The following SPAG16 variants were observed in gnomAD, a reference collection of about 807,000 sequenced individuals.
The protein encoded by SPAG16 is sperm-associated antigen 16 protein.
A neutral mutation model predicts 80.4 loss-of-function variants in SPAG16; 86 were observed. The observed-to-expected ratio is 1.07, with a 90% confidence interval of 0.90 to 1.28. The LOEUF is 1.28. SPAG16 is among the 50% of genes most tolerant of loss of function. The probability of loss-of-function intolerance (pLI) is 0.00; values close to 1 mark genes in which losing one functional copy is unlikely to be tolerated. For synonymous variants in SPAG16, 294 were observed against 265.9 expected (o/e 1.11, Z -1.03); for missense variants, 870 against 765.3 (o/e 1.14, Z -1.61).
intron 14 of SPAG16, among the ~76,000 whole-genome samples, chr2:214,141,215 T>G (rs1353950852): frequency 6.6e-6 from 1 of 152,148 alleles, no homozygotes; most frequent in Non-Finnish European, 1.5e-5. Flanking sequence ...ATGCCCGTAA[T>G]CCCAGCACTT....
chr2:213,741,832 T>C (rs990417360), intron 10 of SPAG16, among the ~76,000 whole-genome samples: 1 of 152,194 alleles, frequency 6.6e-6, no homozygotes, highest in African/African-American at 2.4e-5. Flanking sequence ...ACCTGTTGAA[T>C]TAAACCTGTA....
chr2:214,206,989 T>G (rs2058163557), intron 15 of SPAG16, among the ~76,000 whole-genome samples: 1 of 152,162 alleles, frequency 6.6e-6, no homozygotes, highest in Admixed American at 6.6e-5. Flanking sequence ...TGCCAGAGGT[T>G]TGATCTCAAC....
chr2:213,374,025 T>G (rs989684582), intron 8 of SPAG16, among the ~76,000 whole-genome samples: 3 of 152,156 alleles, frequency 2.0e-5, no homozygotes, highest in Non-Finnish European at 4.4e-5. Flanking sequence ...GACTCTAGCT[T>G]AGCACCTTCG....
rs572824918 is a variant in SPAG16, at chr2:213,853,870, C to A, written c.1071-8615C>A. ...CATTTTATGGTTACAAGAGGGAGAC[C>A]TATTTGTGGACAAAGCTTGAGGAGG... On this transcript the variant is annotated intron_variant, in intron 10 of 15. Coordinates refer to ENST00000331683, the MANE Select transcript of SPAG16 (RefSeq NM_024532.5). Among the ~76,000 whole-genome samples, 189 of 152,240 alleles carry A rather than the reference C, an allele frequency of 1.2e-3. 1 individual carries two copies. The highest frequency in any genetic ancestry group is 8.9e-3 in the South Asian group (43 of 4,828).
chr2:213,805,270 G>A (rs1172235038), intron 10 of SPAG16, among the ~76,000 whole-genome samples: 3 of 152,158 alleles, frequency 2.0e-5, no homozygotes, highest in Admixed American at 1.3e-4. Context: ...ATGACACCAA[G>A]AAAGGAGAGG....
chr2:213,532,064 T>C (rs2076089375), intron 10 of SPAG16, among the ~76,000 whole-genome samples: 3 of 152,338 alleles, frequency 2.0e-5, no homozygotes, highest in African/African-American at 7.2e-5. Flanking sequence ...AAAGTATACC[T>C]ATTTGAAAAA....
At chr2:213,658,992 T>C (rs868767864) in intron 10 of SPAG16, among the ~76,000 whole-genome samples, 20 of 151,962 alleles carry the variant, frequency 1.3e-4, no homozygotes, top group Middle Eastern at 6.8e-3. Flanking sequence ...GCTGAGGTTG[T>C]GCCACAGCAC....
intron 10 of SPAG16, among the ~76,000 whole-genome samples, chr2:213,546,846 T>G (rs901003609): frequency 5.9e-5 from 9 of 152,302 alleles, no homozygotes; most frequent in Middle Eastern, 3.4e-3. Context: ...TCTCTTCTCG[T>G]TGCTTTGTCT....
intron 13 of SPAG16, among the ~76,000 whole-genome samples, chr2:214,095,585 G>C (rs965428239): frequency 6.6e-6 from 1 of 151,988 alleles, no homozygotes; most frequent in Non-Finnish European, 1.5e-5. Context: ...ATATTTCAGG[G>C]TTTTTCCTTT....
chr2:213,925,491 A>G (rs2078428013), intron 11 of SPAG16, among the ~76,000 whole-genome samples: 1 of 151,998 alleles, frequency 6.6e-6, no homozygotes, highest in Admixed American at 6.6e-5. Flanking sequence ...AGCTGGGGCT[A>G]CATGTGTCCA....
chr2:214,308,635 TG>T (rs909895934), intron 15 of SPAG16, among the ~76,000 whole-genome samples: 1 of 152,196 alleles, frequency 6.6e-6, no homozygotes, highest in Non-Finnish European at 1.5e-5. Context: ...ATTTCTCCTT[TG>T]CTTATGAAGC....
intron 10 of SPAG16, among the ~76,000 whole-genome samples, chr2:213,548,969 A>AT (rs1308009721): frequency 2.6e-5 from 4 of 151,576 alleles, no homozygotes; most frequent in Non-Finnish European, 4.4e-5. Flanking sequence ...ATGCCACTTT[A>AT]TTTTTTTTCC....
chr2:213,517,006 A>G (rs2075451675), intron 10 of SPAG16, among the ~76,000 whole-genome samples: 1 of 152,204 alleles, frequency 6.6e-6, no homozygotes, highest in Non-Finnish European at 1.5e-5. Context: ...GCATTGAAAT[A>G]GGAAAATAAG....
At chr2:213,377,306 A>T (rs2066923623) in intron 9 of SPAG16, among the ~76,000 whole-genome samples, 1 of 152,204 alleles carries the variant, frequency 6.6e-6, no homozygotes, top group Non-Finnish European at 1.5e-5. Context: ...GAACAACTAG[A>T]ACAGTGAGGT....
At chr2:214,223,918 T>C (rs538020388) in intron 15 of SPAG16, among the ~76,000 whole-genome samples, 45 of 152,112 alleles carry the variant, frequency 3.0e-4, no homozygotes, top group Admixed American at 7.2e-4. Context: ...GGAAGAGATG[T>C]TGAAATGGGT....
chr2:213,324,687 A>T (rs1012557), intron 5 of SPAG16, among the ~76,000 whole-genome samples: 33,004 of 152,112 alleles, frequency 0.22, 4,423 homozygotes, highest in Non-Finnish European at 0.31. Context: ...GTTATTAAAG[A>T]TAAAACTGCT....
intron 15 of SPAG16, among the ~76,000 whole-genome samples, chr2:214,351,652 G>A (rs1021471172): frequency 2.0e-5 from 3 of 151,766 alleles, no homozygotes; most frequent in African/African-American, 7.2e-5. Context: ...GCAGTGAGCC[G>A]AGATGGCATC....
intron 11 of SPAG16, among the ~76,000 whole-genome samples, chr2:213,922,457 AT>A: frequency 1.3e-5 from 2 of 151,916 alleles, no homozygotes; most frequent in Non-Finnish European, 2.9e-5. Context: ...GCTTCCTTGG[AT>A]TGGGTTTTGC....
chr2:213,949,179 T>TTTTTTTGTTTTTTTTTTTTTTTTTTG (rs1553677659), intron 12 of SPAG16, among the ~76,000 whole-genome samples: 1 of 36,244 alleles, frequency 2.8e-5, no homozygotes, highest in Non-Finnish European at 5.5e-5. Flanking sequence ...GTTTTTTTTT[T>TTTTTTTGTTTTTTTTTTTTTTTTTTG]TTTTTTTTTT....
Sources: gnomAD v4.1 joint callset for allele counts (sites outside exome capture counted in the v4.1 genomes callset) on GRCh38, gnomAD v4.1.1 for gene constraint, MANE v1.5 for transcripts, NCBI Gene and HGNC (gene_info 2026-07-23, HGNC 2026-07-21) for gene names.